The following DGUOK variants were observed in gnomAD, a reference collection of about 807,000 sequenced individuals.
DGUOK encodes deoxyguanosine kinase.
DGUOK carries 30 observed loss-of-function variants against 36.6 expected under a neutral mutation model. The observed-to-expected ratio is 0.82, with a 90% CI of 0.61 to 1.11. The LOEUF (loss-of-function observed/expected upper bound fraction) is 1.11, where lower values mean the gene tolerates loss of function less well. Ranked by LOEUF, DGUOK falls within the 50% of genes most tolerant of loss-of-function variation. The probability of loss-of-function intolerance (pLI) is 0.00; values close to 1 mark genes in which losing one functional copy is unlikely to be tolerated. For synonymous variants in DGUOK, 145 were observed against 126.3 expected (o/e 1.15, Z -0.99); for missense variants, 361 against 336.4 (o/e 1.07, Z -0.57).
At chr2:73,935,883 A>G (rs1162631568) in intron 1 of DGUOK, among the ~76,000 whole-genome samples, 1 of 152,246 alleles carries the variant, frequency 6.6e-6, no homozygotes, top group Non-Finnish European at 1.5e-5. Flanking sequence ...TTGGCATTCT[A>G]GAATTAATGT....
intron 2 of DGUOK, among the ~76,000 whole-genome samples, chr2:73,945,789 G>A (rs1558656596): frequency 6.6e-6 from 1 of 152,184 alleles, no homozygotes; most frequent in Non-Finnish European, 1.5e-5. Context: ...GCTCACGCCT[G>A]TAATTCCAGC....
At chr2:73,934,688 G>C (rs1348705780) in intron 1 of DGUOK, among the ~76,000 whole-genome samples, 1 of 150,820 alleles carries the variant, frequency 6.6e-6, no homozygotes, top group East Asian at 1.9e-4. Context: ...CCGGGAGTTG[G>C]AAGTTGCAGT....
chr2:73,948,694 C>G (rs1397022079), intron 3 of DGUOK, among the ~76,000 whole-genome samples: 1 of 152,192 alleles, frequency 6.6e-6, no homozygotes, highest in Non-Finnish European at 1.5e-5. Context: ...AAATCTTAGT[C>G]TTTTCTGTTT....
chr2:73,954,322 C>T (rs753680434), intron 4 of DGUOK, among the ~76,000 whole-genome samples: 12 of 151,808 alleles, frequency 7.9e-5, no homozygotes, highest in Non-Finnish European at 1.6e-4. Context: ...CAGCCTAGGC[C>T]ACAAAGCAAG....
At chr2:73,943,310 C>T (rs1448203308) in intron 2 of DGUOK, among the ~76,000 whole-genome samples, 1 of 144,904 alleles carries the variant, frequency 6.9e-6, no homozygotes, top group African/African-American at 2.5e-5. Context: ...CCACTGTCCC[C>T]ATCTACTTAA....
intron 2 of DGUOK, among the ~76,000 whole-genome samples, chr2:73,939,692 G>A (rs1681753779): frequency 6.6e-6 from 1 of 152,172 alleles, no homozygotes; most frequent in Non-Finnish European, 1.5e-5. Context: ...AACTGCTCCT[G>A]CCGCCACCTG....
intron 4 of DGUOK, among the ~76,000 whole-genome samples, chr2:73,952,110 A>G (rs1288075214): frequency 6.6e-6 from 1 of 152,228 alleles, no homozygotes; most frequent in East Asian, 1.9e-4. Flanking sequence ...TCGAGGCTAC[A>G]GTGAGCTGTG....
In DGUOK at chr2:73,958,134, C is replaced by T. The variant is rs775121770; in HGVS notation, c.708-12C>T. The stretch of plus-strand genomic sequence containing the variant: ...TTTTTTTCTGTCCCCCAAACGTTCA[C>T]GCTTCTTATAGGCTCCACTTTGAGG... On this transcript the variant is annotated splice_polypyrimidine_tract_variant and intron_variant, in intron 5 of 6. Transcript: ENST00000264093. 6 of 1,609,050 alleles carry T rather than the reference C, an allele frequency of 3.7e-6. No homozygotes were observed. The highest frequency in any genetic ancestry group is 1.7e-5 in the Admixed American group (1 of 59,968).
intron 1 of DGUOK, among the ~76,000 whole-genome samples, chr2:73,928,380 G>A (rs1015912011): frequency 2.0e-5 from 3 of 152,120 alleles, no homozygotes; most frequent in Non-Finnish European, 4.4e-5. Context: ...CGCCTGCCTC[G>A]GCCTCCCAAA....
At chr2:73,952,700 G>A (rs780355137) in intron 4 of DGUOK, among the ~76,000 whole-genome samples, 2 of 152,166 alleles carry the variant, frequency 1.3e-5, no homozygotes, top group African/African-American at 2.4e-5. Flanking sequence ...CCAGCATTGG[G>A]GAGGAGTGAG....
rs774810856 is a variant in DGUOK at position 73,950,620 on chromosome 2, C to A, written c.479C>A (p.Ser160Tyr). The A allele has an allele frequency of 4.3e-6, 7 of 1,614,002 alleles. No homozygotes were observed. Among genetic ancestry groups the A allele is most frequent in the Non-Finnish European group, 5.9e-6 (7 of 1,180,006 alleles). The stretch of plus-strand genomic sequence containing the variant: ...GCAAAGAATCTTTTTGAAAATGGTT[C>A]CCTCAGTGACATCGAGTGGCATATC... ...IFAKNLFENG[S>Y]LSDIEWHIYQ... Residue 160 changes from serine to tyrosine, a missense_variant, in exon 4 of 7, where the codon TCC becomes TAC. Physicochemically the swap from Ser to Tyr is moderately radical, Grantham distance 144 (BLOSUM62 -2). Transcript: ENST00000264093.
intron 1 of DGUOK, among the ~76,000 whole-genome samples, chr2:73,928,376 C>T (rs2104851735): frequency 6.6e-6 from 1 of 152,340 alleles, no homozygotes; most frequent in East Asian, 1.9e-4. Flanking sequence ...GATCCGCCTG[C>T]CTCGGCCTCC....
At chr2:73,932,638 G>A (rs1681137960) in intron 1 of DGUOK, 1 of 1,297,130 alleles carries the variant, frequency 7.7e-7, no homozygotes. Flanking sequence ...CACCCATTCA[G>A]GAAACCTGAA....
At chr2:73,944,281 A>G (rs948976532) in intron 2 of DGUOK, among the ~76,000 whole-genome samples, 2 of 152,164 alleles carry the variant, frequency 1.3e-5, no homozygotes, top group Non-Finnish European at 2.9e-5. Flanking sequence ...TGGCCTCCCA[A>G]AGTGCTTGGG....
chr2:73,931,428 C>T (rs769541794), intron 1 of DGUOK, among the ~76,000 whole-genome samples: 1 of 152,184 alleles, frequency 6.6e-6, no homozygotes, highest in Non-Finnish European at 1.5e-5. Context: ...GCATGTGCCA[C>T]CACGCCTAGC....
intron 1 of DGUOK, among the ~76,000 whole-genome samples, chr2:73,929,681 TGAA>T (rs1417961775): frequency 1.3e-5 from 2 of 152,118 alleles, no homozygotes; most frequent in Non-Finnish European, 2.9e-5. Context: ...GGAAGCCAAG[TGAA>T]GAAGGTATTC....
intron 2 of DGUOK, among the ~76,000 whole-genome samples, chr2:73,942,189 C>T (rs554253699): frequency 1.1e-4 from 17 of 152,164 alleles, no homozygotes; most frequent in African/African-American, 3.6e-4. Context: ...AGATTACAGG[C>T]GTGAGCCACT....
chr2:73,956,172 C>G (rs1371926595), intron 4 of DGUOK, among the ~76,000 whole-genome samples: 2 of 152,162 alleles, frequency 1.3e-5, no homozygotes. Context: ...GTGCATCAAA[C>G]TTCACTACCA....
intron 2 of DGUOK, among the ~76,000 whole-genome samples, chr2:73,940,685 A>G (rs1396371250): frequency 1.3e-5 from 2 of 152,212 alleles, no homozygotes; most frequent in Non-Finnish European, 2.9e-5. Flanking sequence ...TTATAACAAC[A>G]TATTTTTACT....
Sources: gnomAD v4.1 joint callset for allele counts (sites outside exome capture counted in the v4.1 genomes callset) on GRCh38, gnomAD v4.1.1 for gene constraint, MANE v1.5 for transcripts, NCBI Gene and HGNC (gene_info 2026-07-23, HGNC 2026-07-21) for gene names.